Variants in C11orf54 observed in about 807,000 individuals in gnomAD.
C11orf54 encodes the protein beta-keto-L-gulonate decarboxylase, also known as beta-keto L-gulonate decarboxylase.
C11orf54 carries 29 observed loss-of-function variants against 35.5 expected under a neutral mutation model. The ratio of observed to expected loss-of-function variants is 0.82; its 90% confidence interval spans 0.61 to 1.11. The LOEUF (loss-of-function observed/expected upper bound fraction) is 1.11. C11orf54 is among the 50% of genes most tolerant of loss of function. The probability of loss-of-function intolerance (pLI) is 0.00; values close to 1 mark genes in which losing one functional copy is unlikely to be tolerated. For missense variants in C11orf54, 373 were observed against 369.2 expected, an observed-to-expected ratio of 1.01 and a Z score of -0.08; for synonymous variants, 108 against 121.1, an observed-to-expected ratio of 0.89 and a Z score of 0.71.
intron 5 of C11orf54, among the ~76,000 whole-genome samples, chr11:93,754,505 T>C (rs1943024765): frequency 1.3e-5 from 2 of 152,250 alleles, no homozygotes; most frequent in South Asian, 4.1e-4. Context: ...GTATATATTA[T>C]TACCATATGA....
At chr11:93,757,004 C>T (rs887785638) in intron 6 of C11orf54, among the ~76,000 whole-genome samples, 14 of 152,100 alleles carry the variant, frequency 9.2e-5, no homozygotes, top group Non-Finnish European at 1.3e-4. Context: ...TCTTTGACTG[C>T]CTCGACACGT....
chr11:93,754,306 T>C (rs188045928), intron 5 of C11orf54, among the ~76,000 whole-genome samples: 22 of 152,342 alleles, frequency 1.4e-4, no homozygotes, highest in Middle Eastern at 3.4e-3. Context: ...GGTTCTGGAT[T>C]ATAAAATATT....
At position 93,741,675 on chromosome 11, in the gene C11orf54, G is replaced by C. The variant is rs1234957607; in HGVS notation, c.-151G>C. 2.8e-6 allele frequency: 1 copy of C among 358,494 alleles called. No homozygotes were observed. The allele number at this position is 358,494 out of a possible 1,614,324, so 22.2% of individuals were successfully genotyped here. A position where few individuals can be genotyped will look rare whatever the true frequency, so the allele number is the denominator to read the frequency against. On this transcript the variant is annotated 5_prime_UTR_variant, in exon 1 of 9. Coordinates refer to ENST00000354421, the MANE Select transcript of C11orf54 (RefSeq NM_001286069.2). ...AGCTCGCGTATTCTGAGGAGGCGGG[G>C]TTGGCCTAGGCGAAGATCCGGACTC...
intron 1 of C11orf54, chr11:93,741,971 G>A (rs1942097718): frequency 1.2e-5 from 2 of 170,140 alleles, no homozygotes; most frequent in Admixed American, 1.1e-4. Context: ...AGAAACCCTT[G>A]TGTGTTAAAA....
rs1343539891 is a variant in C11orf54 at position 93,753,635 on chromosome 11, C to T, written c.155-47C>T. The T allele has an allele frequency of 2.7e-6, 4 of 1,508,704 alleles. No homozygotes were observed. The East Asian group carries it at 6.8e-5, about 26-fold the overall frequency. 93.5% of individuals were successfully genotyped at this position (1,508,704 alleles called of 1,614,324 possible). A position where few individuals can be genotyped will look rare whatever the true frequency, so the allele number is the denominator to read the frequency against. On this transcript the variant is annotated intron_variant, in intron 3 of 8. Coordinates refer to ENST00000354421, the MANE Select transcript of C11orf54 (RefSeq NM_001286069.2). ...ATTTTATTATTAAATTAGATGTTTGCCTGTTTTTAAGGTGGCTTGTGTTTT... is the reference window on the plus strand; with the variant it reads ...ATTTTATTATTAAATTAGATGTTTGTCTGTTTTTAAGGTGGCTTGTGTTTT...
intron 2 of C11orf54, among the ~76,000 whole-genome samples, chr11:93,747,893 C>T (rs920220437): frequency 6.6e-6 from 1 of 152,098 alleles, no homozygotes; most frequent in African/African-American, 2.4e-5. Flanking sequence ...TGACAGACTG[C>T]CAGTGAACTT....
chr11:93,761,606 A>G lies in C11orf54; in HGVS notation c.866A>G (p.Glu289Gly). The change falls in exon 9 of 9, where the codon GAA becomes GGA. Residue 289 changes from glutamate to glycine, a missense_variant. By Grantham distance (98) the Glu-to-Gly change is moderately conservative. Coordinates refer to ENST00000354421, the MANE Select transcript of C11orf54 (RefSeq NM_001286069.2). ...YHYDTTPDIV[E>G]YLGYFLPAEF... ...TATGACACTACTCCAGATATAGTGGAATATCTTGGATACTTCTTACCTGCA... is the reference window on the plus strand; with the variant it reads ...TATGACACTACTCCAGATATAGTGGGATATCTTGGATACTTCTTACCTGCA... 6.2e-7 allele frequency: 1 copy of G among 1,612,946 alleles called. No homozygotes were observed. Among genetic ancestry groups the G allele is most frequent in the Non-Finnish European group, 8.5e-7 (1 of 1,179,148 alleles).
chr11:93,753,661 T>C (rs1565266060), intron 3 of C11orf54, 21 bp from the exon 4 acceptor site: 2 of 1,612,124 alleles, frequency 1.2e-6, no homozygotes, highest in East Asian at 4.5e-5. Context: ...CTTGTGTTTT[T>C]GTTTTTTGGT....
chr11:93,758,360 A>AGCTGCAGCAGCTCAAACCCGCG (rs1943268095), intron 7 of C11orf54, among the ~76,000 whole-genome samples: 1 of 152,188 alleles, frequency 6.6e-6, no homozygotes, highest in African/African-American at 2.4e-5. Context: ...GCCCAGGCGC[A>AGCTGCAGCAGCTCAAACCCGCG]GCTGCAGCAG....
intron 1 of C11orf54, 179 bp downstream of exon 1, chr11:93,741,907 A>T: frequency 9.4e-6 from 2 of 211,838 alleles, no homozygotes; most frequent in South Asian, 1.1e-4. Flanking sequence ...GGCGAGGGTG[A>T]CGGGTGGGAT....
intron 3 of C11orf54, among the ~76,000 whole-genome samples, chr11:93,751,198 T>C (rs558260068): frequency 3.3e-5 from 5 of 152,306 alleles, no homozygotes; most frequent in Non-Finnish European, 7.3e-5. Flanking sequence ...ATAGAAATTC[T>C]GGACTCTAGT....
chr11:93,763,455 A>G lies in C11orf54; in HGVS notation c.*1767A>G, dbSNP rs1276025438. 1 of 152,232 alleles carries G rather than the reference A, an allele frequency of 6.6e-6. No individual in the cohort carries two copies. The highest frequency in any genetic ancestry group is 1.5e-5 in the Non-Finnish European group (1 of 68,054). The allele number at this position is 152,232 out of a possible 1,614,324, so 9.4% of individuals were successfully genotyped here. On this transcript the variant is annotated 3_prime_UTR_variant, in exon 9 of 9. Coordinates refer to ENST00000354421, the MANE Select transcript of C11orf54 (RefSeq NM_001286069.2). ...CACTCAAAATTTGGTTCACATGTCC[A>G]GACTGATAGCCAAGTTCAGTGGCTC...
chr11:93,757,272 T>C lies in C11orf54; in HGVS notation c.508-44T>C, dbSNP rs375085597. 3.3e-5 allele frequency: 51 copies of C among 1,558,628 alleles called. No homozygotes were observed. The African/African-American group carries it at 6.7e-4, about 21-fold the overall frequency. Reference sequence around the variant, plus strand: ...ATATAATGTTTTATTTCAGTAGTTATTTTGCAGCATAGTCAATGGTATGCA... The same window carrying C: ...ATATAATGTTTTATTTCAGTAGTTACTTTGCAGCATAGTCAATGGTATGCA... On this transcript the variant is annotated intron_variant, in intron 6 of 8. Coordinates refer to ENST00000354421, the MANE Select transcript of C11orf54 (RefSeq NM_001286069.2).
intron 2 of C11orf54, among the ~76,000 whole-genome samples, chr11:93,749,549 G>C (rs1942702023): frequency 6.7e-6 from 1 of 148,682 alleles, no homozygotes; most frequent in South Asian, 2.1e-4. Flanking sequence ...AGGTGTGATG[G>C]CTCATTGTAA....
intron 3 of C11orf54, among the ~76,000 whole-genome samples, chr11:93,753,355 A>G (rs1942947602): frequency 9.4e-6 from 1 of 106,850 alleles, no homozygotes; most frequent in Non-Finnish European, 2.3e-5. Context: ...ACCACCCCAA[A>G]ATAGATTTTT....
At chr11:93,748,195 C>CT (rs879782327) in intron 2 of C11orf54, among the ~76,000 whole-genome samples, 2,661 of 148,044 alleles carry the variant, frequency 0.018, 77 homozygotes, top group African/African-American at 0.062. Flanking sequence ...CTCTTATAAT[C>CT]TTTTTTTTTT....
intron 1 of C11orf54, among the ~76,000 whole-genome samples, chr11:93,744,825 C>T (rs944255842): frequency 6.6e-6 from 1 of 152,190 alleles, no homozygotes; most frequent in African/African-American, 2.4e-5. Flanking sequence ...ACTCAGTATG[C>T]GAGGACCTGC....
chr11:93,757,392 A>G lies in C11orf54; in HGVS notation c.584A>G (p.His195Arg). The G allele has an allele frequency of 6.3e-7, 1 of 1,598,302 alleles. No homozygotes were observed. Among genetic ancestry groups the G allele is most frequent in the Non-Finnish European group, 8.5e-7 (1 of 1,179,720 alleles). The change falls in exon 7 of 9, where the codon CAT becomes CGT. Residue 195 changes from histidine to arginine, a missense_variant. His to Arg is a conservative substitution (Grantham distance 29). Transcript: ENST00000354421. The stretch of plus-strand genomic sequence containing the variant: ...TGTATGAGAGAGACCCTGGAAAAAC[A>G]TTATGGAAATAAGCCTATAGGAATG... The part of the protein sequence containing the change: ...VTCMRETLEK[H>R]YGNKPIGMGG...
chr11:93,758,602 A>C (rs1276144863), intron 7 of C11orf54, among the ~76,000 whole-genome samples: 1 of 152,262 alleles, frequency 6.6e-6, no homozygotes, highest in Non-Finnish European at 1.5e-5. Flanking sequence ...AAAGTCAGGC[A>C]GAGCCCGGTC....
Sources: allele counts gnomAD v4.1 joint callset (sites outside exome capture counted in the v4.1 genomes callset), GRCh38; gene constraint gnomAD v4.1.1; transcripts MANE v1.5; gene names NCBI Gene and HGNC (gene_info 2026-07-23, HGNC 2026-07-21).